ARMC9: variants seen among roughly 807,000 people sequenced by gnomAD.
The protein encoded by ARMC9 is armadillo repeat containing 9.
In ARMC9, 94 loss-of-function variants were observed where a neutral mutation model predicts 107.0. The observed-to-expected ratio is 0.88, with a 90% CI of 0.74 to 1.04. The LOEUF (loss-of-function observed/expected upper bound fraction) is 1.04. Among genes scored for constraint, ARMC9 ranks in the 50% least tolerant of loss-of-function variants. ARMC9 has a pLI of 0.00. For missense variants in ARMC9, 942 were observed against 1,030.1 expected (o/e 0.91, Z 1.17); for synonymous variants, 380 against 396.9 (o/e 0.96, Z 0.51).
intron 1 of ARMC9, among the ~76,000 whole-genome samples, chr2:231,202,719 G>A (rs181225642): frequency 1.2e-3 from 184 of 152,166 alleles, no homozygotes; most frequent in Admixed American, 3.2e-3. Context: ...TAAACTCCAG[G>A]CTCATATATC....
intron 9 of ARMC9, among the ~76,000 whole-genome samples, chr2:231,251,654 C>T (rs2037310113): frequency 6.6e-6 from 1 of 152,222 alleles, no homozygotes. Context: ...TAGCAGAGAC[C>T]TGGCTGATGG....
In ARMC9 at chr2:231,360,063, C is replaced by T. The variant is rs116612324; in HGVS notation, c.2132-691C>T. 0.029 allele frequency among the ~76,000 whole-genome samples: 4,479 copies of T among 152,088 alleles called. 103 individuals are homozygous for T. The highest frequency in any genetic ancestry group is 0.047 in the Non-Finnish European group (3,182 of 67,962). ...TTCAGCTGTAGGAGAAGAGGAGAGG[C>T]GGGGTGGGGGAAGGGGTGCGTGGCA... On this transcript the variant is annotated intron_variant, in intron 22 of 24. Transcript: ENST00000611582. This position sits in a 1 kb window ranked among gnomAD's most constrained non-coding sequence, Gnocchi z 4.7.
At chr2:231,293,067 A>G (rs1356383723) in intron 18 of ARMC9, among the ~76,000 whole-genome samples, 1 of 152,144 alleles carries the variant, frequency 6.6e-6, no homozygotes, top group Non-Finnish European at 1.5e-5. Context: ...AGCTGAGGAG[A>G]GCAGCCAGGG....
At chr2:231,240,126 A>G in intron 9 of ARMC9, 85 bp downstream of exon 9, 1 of 1,139,458 alleles carries the variant, frequency 8.8e-7, no homozygotes, top group African/African-American at 1.6e-5. Flanking sequence ...AGCATGAAAA[A>G]ATAACATGCA....
chr2:231,264,601 G>A (rs898655095), intron 12 of ARMC9, among the ~76,000 whole-genome samples: 26 of 151,176 alleles, frequency 1.7e-4, no homozygotes, highest in African/African-American at 5.3e-4. Context: ...GGGTTCGAGC[G>A]ATTCTCTTGC....
chr2:231,329,397 G>A (rs1176860689), intron 19 of ARMC9, among the ~76,000 whole-genome samples: 4 of 151,908 alleles, frequency 2.6e-5, no homozygotes, highest in Non-Finnish European at 5.9e-5. Flanking sequence ...TTCAACCTCC[G>A]CCTCCTGGGT....
intron 8 of ARMC9, among the ~76,000 whole-genome samples, chr2:231,237,753 GTATATATATATATATATA>G (rs1226959333): frequency 4.1e-5 from 1 of 24,428 alleles, no homozygotes; most frequent in African/African-American, 1.4e-4. Context: ...TTGGCTATAT[GTATATATATATATATATA>G]TATATATATA....
chr2:231,282,254 A>C (rs1349266510), intron 17 of ARMC9, 121 bp downstream of exon 17: 4 of 960,078 alleles, frequency 4.2e-6, no homozygotes, highest in Non-Finnish European at 6.5e-6. Flanking sequence ...AAACTCCTTG[A>C]AATTGTATGT....
chr2:231,262,270 CTT>C (rs2038437223), intron 11 of ARMC9, 34 bp from the exon 12 acceptor site: 1 of 1,598,032 alleles, frequency 6.3e-7, no homozygotes, highest in Non-Finnish European at 8.6e-7. Flanking sequence ...CATGATAAGA[CTT>C]AGGTCTCACT....
At chr2:231,243,670 A>G (rs1299362079) in intron 9 of ARMC9, among the ~76,000 whole-genome samples, 1 of 152,202 alleles carries the variant, frequency 6.6e-6, no homozygotes, top group Non-Finnish European at 1.5e-5. Context: ...CACGCAATAA[A>G]AGCTGCAAAA....
intron 7 of ARMC9, among the ~76,000 whole-genome samples, chr2:231,228,974 T>G (rs1365264097): frequency 1.3e-5 from 2 of 152,050 alleles, no homozygotes; most frequent in Non-Finnish European, 2.9e-5. Context: ...CAAATAAACA[T>G]GGGAAGGGGA....
rs1271879208 is a variant in ARMC9 at position 231,358,190 on chromosome 2, G to T, written c.2131+2256G>T. ...CATTAAGCCAGGGTATGAATGAGGG[G>T]GAGGGGGATGAGCAGCAGGGACAGC... On this transcript the variant is annotated intron_variant, in intron 22 of 24. Coordinates refer to ENST00000611582, the MANE Select transcript of ARMC9 (RefSeq NM_001352754.2). This position sits in a 1 kb window ranked among gnomAD's most constrained non-coding sequence, Gnocchi z 4.5. 6.6e-6 allele frequency among the ~76,000 whole-genome samples: 1 copy of T among 152,164 alleles called. No individual in the cohort carries two copies. The highest frequency in any genetic ancestry group is 1.5e-5 in the Non-Finnish European group (1 of 68,038).
intron 19 of ARMC9, among the ~76,000 whole-genome samples, chr2:231,327,965 C>T (rs1016290550): frequency 1.3e-5 from 2 of 151,722 alleles, no homozygotes; most frequent in Admixed American, 6.6e-5. Context: ...TTGTTTTTTT[C>T]GTAGAGACGG....
At chr2:231,326,807 G>A (rs1303387531) in intron 19 of ARMC9, among the ~76,000 whole-genome samples, 6 of 152,290 alleles carry the variant, frequency 3.9e-5, no homozygotes, top group South Asian at 2.1e-4. Flanking sequence ...GAAATTAGTC[G>A]GAAATGAAGA....
intron 17 of ARMC9, among the ~76,000 whole-genome samples, chr2:231,290,666 T>C (rs1431718885): frequency 6.6e-6 from 1 of 152,248 alleles, no homozygotes; most frequent in East Asian, 1.9e-4. Context: ...GGAATTCTTT[T>C]ACCCAATATT....
chr2:231,333,845 C>T lies in ARMC9; in HGVS notation c.1878+1948C>T, dbSNP rs1418185834. Among the ~76,000 whole-genome samples the T allele has an allele frequency of 2.0e-5, 3 of 152,316 alleles. No individual in the cohort carries two copies. In the East Asian group the frequency reaches 5.8e-4, roughly 29 times the overall value. ...AGGTCAGACAGAAGCTTGAATACAGCGCTCAGTTAATAATCTAGAGGACCT... is the reference window on the plus strand; with the variant it reads ...AGGTCAGACAGAAGCTTGAATACAGTGCTCAGTTAATAATCTAGAGGACCT... On this transcript the variant is annotated intron_variant, in intron 20 of 24. Transcript: ENST00000611582.
At chr2:231,334,920 A>C (rs1575118974) in intron 20 of ARMC9, among the ~76,000 whole-genome samples, 1 of 152,312 alleles carries the variant, frequency 6.6e-6, no homozygotes, top group Admixed American at 6.5e-5. Flanking sequence ...CCAAGATAGA[A>C]GACGTTTCAC....
chr2:231,354,751 G>T (rs950285211), intron 21 of ARMC9, among the ~76,000 whole-genome samples: 3 of 152,174 alleles, frequency 2.0e-5, no homozygotes, highest in African/African-American at 7.2e-5. Flanking sequence ...TGAGCTTGTC[G>T]TGTGTTCCCC....
At chr2:231,211,175 G>A (rs998644176) in intron 3 of ARMC9, among the ~76,000 whole-genome samples, 1 of 151,658 alleles carries the variant, frequency 6.6e-6, no homozygotes, top group Non-Finnish European at 1.5e-5. Flanking sequence ...CAGTTTATCT[G>A]TTCTTCTGTT....
Sources: allele counts gnomAD v4.1 joint callset (sites outside exome capture counted in the v4.1 genomes callset), GRCh38; gene constraint gnomAD v4.1.1; non-coding constraint Gnocchi (gnomAD v3.1); transcripts MANE v1.5; gene names NCBI Gene and HGNC (gene_info 2026-07-23, HGNC 2026-07-21).